CUBN: variants seen among roughly 807,000 people sequenced by gnomAD.
CUBN encodes 460 kDa receptor.
A neutral mutation model predicts 405.3 loss-of-function variants in CUBN; 282 were observed. The observed-to-expected ratio is 0.70, with a 90% CI of 0.63 to 0.77. The LOEUF is 0.77. CUBN is among the 30% of genes least tolerant of loss of function. The pLI, the probability that CUBN is intolerant of heterozygous loss-of-function variation, is 0.00. For missense variants in CUBN, 4,514 were observed against 4,475.2 expected (o/e 1.01, Z -0.25); for synonymous variants, 1,684 against 1,617.0 (o/e 1.04, Z -0.99).
At chr10:16,890,238 G>T (rs1840962976) in intron 55 of CUBN, 133 bp downstream of exon 55, 2 of 806,666 alleles carry the variant, frequency 2.5e-6, no homozygotes, top group African/African-American at 3.4e-5. Flanking sequence ...GTGTCTTCTT[G>T]GGATTAGGTG....
intron 22 of CUBN, among the ~76,000 whole-genome samples, chr10:17,060,905 C>T (rs1166000263): frequency 6.6e-6 from 1 of 152,022 alleles, no homozygotes; most frequent in African/African-American, 2.4e-5. Flanking sequence ...ACAAAATTAG[C>T]CAGGCATGGT....
intron 63 of CUBN, 151 bp from the exon 64 acceptor site, chr10:16,835,346 C>T: frequency 1.3e-6 from 1 of 746,970 alleles, no homozygotes; most frequent in Non-Finnish European, 2.3e-6. Flanking sequence ...ATAATTGAGA[C>T]CCTGAGCAGT....
intron 28 of CUBN, among the ~76,000 whole-genome samples, chr10:16,996,271 G>A (rs1333414847): frequency 2.0e-5 from 3 of 152,164 alleles, no homozygotes; most frequent in Non-Finnish European, 2.9e-5. Flanking sequence ...CTGAAGAGAA[G>A]CCTATGTTTT....
intron 28 of CUBN, among the ~76,000 whole-genome samples, chr10:17,018,677 G>A (rs12218279): frequency 0.24 from 37,199 of 151,942 alleles, 5,227 homozygotes; most frequent in East Asian, 0.43. Flanking sequence ...CCCTGCCCAC[G>A]TCCTGCTGAT....
intron 60 of CUBN, among the ~76,000 whole-genome samples, chr10:16,847,549 T>A (rs1458788543): frequency 1.3e-5 from 2 of 152,240 alleles, no homozygotes; most frequent in African/African-American, 4.8e-5. Context: ...TGTTTACATG[T>A]CAGTCTCCTA....
At position 17,123,661 on chromosome 10, in the gene CUBN, T is replaced by C. The variant is rs1442834549; in HGVS notation, c.416A>G (p.Asn139Ser). ...GCAGGTTCCACCATTCTGGCAAGGA[T>C]TGCTGCTGCAAACCTTTTTGTCAAC... ...QTVDKKVCSS[N>S]PCQNGGTCLN... The change falls in exon 5 of 67, where the codon AAT becomes AGT. Residue 139 changes from asparagine (N) to serine (S), a missense_variant. Transcript: ENST00000377833. The C allele has an allele frequency of 1.2e-6, 2 of 1,613,874 alleles. No individual in the cohort carries two copies. Among genetic ancestry groups the C allele is most frequent in the African/African-American group, 1.3e-5 (1 of 74,926 alleles).
At chr10:17,041,993 A>C (rs1260433558) in intron 26 of CUBN, among the ~76,000 whole-genome samples, 1 of 152,170 alleles carries the variant, frequency 6.6e-6, no homozygotes, top group Admixed American at 6.5e-5. Context: ...GGAATATATT[A>C]TCTCTATGAT....
Position 16,904,144 on chromosome 10 carries a change from C to T in CUBN, c.7913-29G>A, listed in dbSNP as rs74984459. 1,486 of 1,608,950 alleles carry T rather than the reference C, an allele frequency of 9.2e-4. 44 individuals are homozygous for T. The East Asian group carries it at 0.032, about 35-fold the overall frequency. ...AACAAAATAATATACCAAGTGCCATCATTGATACAGCTTTTGAGAAATACA... is the reference window on the plus strand; with the variant it reads ...AACAAAATAATATACCAAGTGCCATTATTGATACAGCTTTTGAGAAATACA... On this transcript the variant is annotated intron_variant, in intron 50 of 66. Coordinates refer to ENST00000377833, the MANE Select transcript of CUBN (RefSeq NM_001081.4).
intron 28 of CUBN, among the ~76,000 whole-genome samples, chr10:17,005,843 T>C (rs1205439702): frequency 6.6e-6 from 1 of 152,204 alleles, no homozygotes; most frequent in African/African-American, 2.4e-5. Flanking sequence ...GACCTCAGAA[T>C]GTGACTGTCC....
intron 8 of CUBN, 100 bp from the exon 9 acceptor site, chr10:17,111,150 A>G: frequency 1.7e-5 from 22 of 1,329,616 alleles, no homozygotes; most frequent in Non-Finnish European, 2.3e-5. Flanking sequence ...CACCTAAGGA[A>G]CTATAAAATA....
chr10:16,832,233 G>A (rs373359868), intron 64 of CUBN, among the ~76,000 whole-genome samples: 1 of 152,162 alleles, frequency 6.6e-6, no homozygotes, highest in South Asian at 2.1e-4. Flanking sequence ...CGCGGGCAAT[G>A]TATGTTGGAA....
intron 32 of CUBN, among the ~76,000 whole-genome samples, chr10:16,953,733 C>T (rs2131632311): frequency 6.6e-6 from 1 of 152,108 alleles, no homozygotes; most frequent in Middle Eastern, 3.4e-3. Flanking sequence ...CACCTATAGT[C>T]CCAGCTACTC....
At chr10:16,942,898 G>A (rs1842693072) in intron 36 of CUBN, among the ~76,000 whole-genome samples, 1 of 151,290 alleles carries the variant, frequency 6.6e-6, no homozygotes, top group Admixed American at 6.6e-5. Context: ...CGGAAGGCAA[G>A]GGGAAGGGGA....
chr10:17,098,537 C>A (rs1352339279), intron 14 of CUBN, among the ~76,000 whole-genome samples: 1 of 152,144 alleles, frequency 6.6e-6, no homozygotes, highest in Admixed American at 6.5e-5. Flanking sequence ...TTCCTTTTCA[C>A]CACTTTTATT....
intron 34 of CUBN, 69 bp downstream of exon 34, chr10:16,949,932 A>G: frequency 8.6e-7 from 1 of 1,158,998 alleles, no homozygotes; most frequent in Non-Finnish European, 1.3e-6. Context: ...ATGGCAGCCT[A>G]TAAATATGCG....
intron 36 of CUBN, among the ~76,000 whole-genome samples, chr10:16,943,419 A>G (rs980929630): frequency 7.0e-6 from 1 of 143,684 alleles, no homozygotes; most frequent in African/African-American, 2.7e-5. Flanking sequence ...TTATAACACA[A>G]TATTTCTATC....
chr10:17,063,167 A>C (rs888175242), intron 22 of CUBN, among the ~76,000 whole-genome samples: 2 of 152,192 alleles, frequency 1.3e-5, no homozygotes, highest in Non-Finnish European at 2.9e-5. Flanking sequence ...CCGATCTCTC[A>C]GGTCTTGATC....
intron 31 of CUBN, among the ~76,000 whole-genome samples, chr10:16,973,055 A>T (rs879549388): frequency 1.3e-5 from 2 of 152,174 alleles, no homozygotes; most frequent in Admixed American, 6.5e-5. Flanking sequence ...CACTGACTCC[A>T]TACTACCTAT....
At position 16,937,713 on chromosome 10, in the gene CUBN, G is replaced by C. The variant is rs781576388; in HGVS notation, c.5805C>G (p.Ser1935Arg). ...GAAATGTCAAAGAATTTCCAGTGGA[G>C]CTGAAAGATTCAGTCTGGGTACCAC... ...AYCGTQTESF[S>R]STGNSLTFHF... is the part of the protein sequence containing the mutation. Residue 1935 changes from serine (S) to arginine (R), a missense_variant, in exon 39 of 67, where the codon AGC (serine) becomes AGG (arginine). Ser to Arg is a moderately radical substitution (Grantham distance 110). Around this residue, in one of 5 missense-constraint regions of CUBN, gnomAD observed 1,613 missense variants for 1,542.8 expected, o/e 1.05. Transcript: ENST00000377833. 6.2e-7 allele frequency: 1 copy of C among 1,614,104 alleles called. No individual in the cohort carries two copies. Among genetic ancestry groups the C allele is most frequent in the South Asian group, 1.1e-5 (1 of 91,074 alleles).
Sources: allele counts gnomAD v4.1 joint callset (sites outside exome capture counted in the v4.1 genomes callset), GRCh38; gene constraint gnomAD v4.1.1; regional missense constraint gnomAD v4.1.1; transcripts MANE v1.5; gene names NCBI Gene and HGNC (gene_info 2026-07-23, HGNC 2026-07-21).